Variants in TNFSF15 observed in about 807,000 individuals in gnomAD.
TNFSF15 encodes the protein tumor necrosis factor ligand superfamily member 15.
In TNFSF15, 15 loss-of-function variants were observed where a neutral mutation model predicts 26.4. The observed-to-expected ratio is 0.57, with a 90% confidence interval of 0.38 to 0.87. The LOEUF is 0.87. TNFSF15 is among the 40% of genes least tolerant of loss of function. The pLI, the probability that TNFSF15 is intolerant of heterozygous loss-of-function variation, is 0.00. For missense variants in TNFSF15, 290 were observed against 306.1 expected, an observed-to-expected ratio of 0.95 and a Z score of 0.39; for synonymous variants, 116 against 115.0, an observed-to-expected ratio of 1.01 and a Z score of -0.06.
At chr9:114,797,426 C>G (rs946366372) in intron 1 of TNFSF15, among the ~76,000 whole-genome samples, 20 of 152,200 alleles carry the variant, frequency 1.3e-4, no homozygotes, top group African/African-American at 3.6e-4. Context: ...GACTCTTTCT[C>G]CAAGAACAAC....
rs1453837509 is a variant in TNFSF15 at position 114,788,937 on chromosome 9, C to T, written c.*1515G>A. On this transcript the variant is annotated 3_prime_UTR_variant, in exon 4 of 4. Transcript: ENST00000374045. ...GGGACCTCCGCAATGACCAGCCTGTCCTCCAGGGAAGGTCTTGGCTAGGCT... is the reference window on the plus strand; with the variant it reads ...GGGACCTCCGCAATGACCAGCCTGTTCTCCAGGGAAGGTCTTGGCTAGGCT... The T allele has an allele frequency of 2.6e-5, 4 of 152,340 alleles. No homozygotes were observed. In the East Asian group the frequency reaches 5.8e-4, roughly 22 times the overall value. 9.4% of individuals were successfully genotyped at this position (152,340 alleles called of 1,614,324 possible).
Position 114,788,649 on chromosome 9 carries a change from T to G in TNFSF15, c.*1803A>C, listed in dbSNP as rs185463672. ...TTTCCTCTCAGACTCATCCATGAGGTCTCCCAGGATAGGAAGCATTTATAA... is the reference window on the plus strand; with the variant it reads ...TTTCCTCTCAGACTCATCCATGAGGGCTCCCAGGATAGGAAGCATTTATAA... On this transcript the variant is annotated 3_prime_UTR_variant, in exon 4 of 4. Transcript: ENST00000374045. The G allele has an allele frequency of 6.6e-6, 1 of 152,228 alleles. No individual in the cohort carries two copies. Among genetic ancestry groups the G allele is most frequent in the African/African-American group, 2.4e-5 (1 of 41,552 alleles). 9.4% of individuals were successfully genotyped at this position (152,228 alleles called of 1,614,324 possible). A position where few individuals can be genotyped will look rare whatever the true frequency, so the allele number is the denominator to read the frequency against.
chr9:114,796,780 A>T (rs1829678134), intron 1 of TNFSF15, among the ~76,000 whole-genome samples: 1 of 152,192 alleles, frequency 6.6e-6, no homozygotes, highest in South Asian at 2.1e-4. Context: ...TAGTTGGAAA[A>T]CATCAAGGCT....
At position 114,789,876 on chromosome 9, in the gene TNFSF15, T is replaced by C. The variant is rs1022247526; in HGVS notation, c.*576A>G. 6.6e-6 allele frequency: 1 copy of C among 152,550 alleles called. No individual in the cohort carries two copies. The highest frequency in any genetic ancestry group is 1.5e-5 in the Non-Finnish European group (1 of 68,192). The allele number at this position is 152,550 out of a possible 1,614,324, so 9.4% of individuals were successfully genotyped here. On this transcript the variant is annotated 3_prime_UTR_variant, in exon 4 of 4. Coordinates refer to ENST00000374045, the MANE Select transcript of TNFSF15 (RefSeq NM_005118.4). Reference sequence around the variant, plus strand: ...CAAAAGAAAGGTAGCTTTTCTCATATGCTGTAGATGACATGAAAACCAACT... The same window carrying C: ...CAAAAGAAAGGTAGCTTTTCTCATACGCTGTAGATGACATGAAAACCAACT...
intron 3 of TNFSF15, chr9:114,791,511 T>G (rs1450408189): frequency 1.2e-5 from 2 of 170,688 alleles, no homozygotes; most frequent in South Asian, 3.9e-4. Context: ...AGTCAAATGA[T>G]AACACCAATG....
In TNFSF15 at chr9:114,786,154, T is replaced by A. The variant is rs1466803966; in HGVS notation, c.*4298A>T. 2.0e-5 allele frequency: 3 copies of A among 152,232 alleles called. No homozygotes were observed. Among genetic ancestry groups the A allele is most frequent in the African/African-American group, 7.2e-5 (3 of 41,444 alleles). The allele number at this position is 152,232 out of a possible 1,614,324, so 9.4% of individuals were successfully genotyped here. Reference sequence around the variant, plus strand: ...TTCTCTGTAGGTCCAGCTGCCAATATGATGCAAAAATGTTAATATCCAGGA... The same window carrying A: ...TTCTCTGTAGGTCCAGCTGCCAATAAGATGCAAAAATGTTAATATCCAGGA... On this transcript the variant is annotated 3_prime_UTR_variant, in exon 4 of 4. Coordinates refer to ENST00000374045, the MANE Select transcript of TNFSF15 (RefSeq NM_005118.4).
chr9:114,804,857 T>C (rs7862325), intron 1 of TNFSF15, among the ~76,000 whole-genome samples: 62,496 of 152,110 alleles, frequency 0.41, 14,140 homozygotes, highest in Middle Eastern at 0.55. Context: ...GCTTAGAGGC[T>C]AGGTTTCCAG....
chr9:114,788,038 G>A lies in TNFSF15; in HGVS notation c.*2414C>T, dbSNP rs1829534408. Reference sequence around the variant, plus strand: ...GCTGCTTGGTGCTCTCACGCACCATGAAGACCGGTTCAGAAAGAACATTTT... The same window carrying A: ...GCTGCTTGGTGCTCTCACGCACCATAAAGACCGGTTCAGAAAGAACATTTT... On this transcript the variant is annotated 3_prime_UTR_variant, in exon 4 of 4. Transcript: ENST00000374045. The A allele has an allele frequency of 6.5e-6, 1 of 153,746 alleles. No homozygotes were observed. Among genetic ancestry groups the A allele is most frequent in the African/African-American group, 2.4e-5 (1 of 41,466 alleles). The allele number at this position is 153,746 out of a possible 1,614,324, so 9.5% of individuals were successfully genotyped here.
chr9:114,796,092 G>A (rs906836014), intron 1 of TNFSF15, among the ~76,000 whole-genome samples: 13 of 152,226 alleles, frequency 8.5e-5, no homozygotes, highest in East Asian at 7.7e-4. Context: ...GCTTTCTCTC[G>A]ATTACCAGAC....
intron 1 of TNFSF15, among the ~76,000 whole-genome samples, chr9:114,804,986 C>T (rs1829798857): frequency 6.6e-6 from 1 of 152,182 alleles, no homozygotes; most frequent in African/African-American, 2.4e-5. Flanking sequence ...TGGAAAGACT[C>T]ATTCCTTAGG....
intron 1 of TNFSF15, among the ~76,000 whole-genome samples, chr9:114,797,264 C>T (rs1829683717): frequency 6.6e-6 from 1 of 152,194 alleles, no homozygotes; most frequent in Non-Finnish European, 1.5e-5. Context: ...CTCTGCTGGA[C>T]TTCTGTAACT....
At chr9:114,791,147 C>T (rs1829591655) in intron 3 of TNFSF15, 2 of 590,674 alleles carry the variant, frequency 3.4e-6, no homozygotes, top group South Asian at 4.7e-5. Flanking sequence ...ACTGAGTGGT[C>T]TGACCTGAAA....
intron 1 of TNFSF15, among the ~76,000 whole-genome samples, chr9:114,794,878 G>A (rs1398615687): frequency 1.3e-5 from 2 of 152,204 alleles, no homozygotes; most frequent in Non-Finnish European, 2.9e-5. Context: ...TGGGAAAGGT[G>A]TGTGAGTGGG....
intron 2 of TNFSF15, among the ~76,000 whole-genome samples, chr9:114,792,757 T>A (rs1829623670): frequency 6.6e-6 from 1 of 152,204 alleles, no homozygotes; most frequent in South Asian, 2.1e-4. Context: ...ATGGGCACAG[T>A]ATAGATGGAG....
rs1037921989 is a variant in TNFSF15, at chr9:114,786,668, T to G, written c.*3784A>C. 1.3e-5 allele frequency: 2 copies of G among 151,590 alleles called. No individual in the cohort carries two copies. The highest frequency in any genetic ancestry group is 2.9e-5 in the Non-Finnish European group (2 of 67,968). The allele number at this position is 151,590 out of a possible 1,614,324, so 9.4% of individuals were successfully genotyped here. A position where few individuals can be genotyped will look rare whatever the true frequency, so the allele number is the denominator to read the frequency against. On this transcript the variant is annotated 3_prime_UTR_variant, in exon 4 of 4. Coordinates refer to ENST00000374045, the MANE Select transcript of TNFSF15 (RefSeq NM_005118.4). ...TGGCTCACGCCTGTAATCCCAGCACTTTGGAAGGCTGAGGCGGGCGGATCA... is the reference window on the plus strand; with the variant it reads ...TGGCTCACGCCTGTAATCCCAGCACGTTGGAAGGCTGAGGCGGGCGGATCA...
At position 114,788,614 on chromosome 9, in the gene TNFSF15, T is replaced by C. The variant is rs1204553222; in HGVS notation, c.*1838A>G. 1 of 152,250 alleles carries C rather than the reference T, an allele frequency of 6.6e-6. No individual in the cohort carries two copies. The highest frequency in any genetic ancestry group is 2.4e-5 in the African/African-American group (1 of 41,470). The allele number at this position is 152,250 out of a possible 1,614,324, so 9.4% of individuals were successfully genotyped here. On this transcript the variant is annotated 3_prime_UTR_variant, in exon 4 of 4. Coordinates refer to ENST00000374045, the MANE Select transcript of TNFSF15 (RefSeq NM_005118.4). The stretch of plus-strand genomic sequence containing the variant: ...CTGGAAACCAGAGTGAGAGTGATTT[T>C]GGTGCCAAATTTCCTCTCAGACTCA...
At chr9:114,800,674 G>A (rs193099927) in intron 1 of TNFSF15, among the ~76,000 whole-genome samples, 2 of 152,256 alleles carry the variant, frequency 1.3e-5, no homozygotes, top group East Asian at 1.9e-4. Flanking sequence ...GATGCATGTA[G>A]TAATGATAGC....
chr9:114,796,441 T>C (rs893267934), intron 1 of TNFSF15, among the ~76,000 whole-genome samples: 1 of 152,232 alleles, frequency 6.6e-6, no homozygotes, highest in Non-Finnish European at 1.5e-5. Flanking sequence ...ATTATTTACT[T>C]CTCTCTAAGC....
chr9:114,797,810 G>C (rs1161446749), intron 1 of TNFSF15, among the ~76,000 whole-genome samples: 26 of 152,188 alleles, frequency 1.7e-4, no homozygotes, highest in Admixed American at 1.7e-3. Context: ...CAAACCACTG[G>C]CTGAAATCCA....
Sources: allele counts gnomAD v4.1 joint callset (sites outside exome capture counted in the v4.1 genomes callset), GRCh38; gene constraint gnomAD v4.1.1; transcripts MANE v1.5; gene names NCBI Gene and HGNC (gene_info 2026-07-23, HGNC 2026-07-21).